The following SHISA9 variants were observed in gnomAD, a reference collection of about 807,000 sequenced individuals.
The protein encoded by SHISA9 is shisa family member 9.
SHISA9 carries 13 observed loss-of-function variants against 38.0 expected under a neutral mutation model. That is an observed-to-expected ratio of 0.34 (90% CI 0.22 to 0.54). SHISA9 has a LOEUF of 0.54. SHISA9 is among the 20% of genes least tolerant of loss of function. The pLI is 0.91. For synonymous variants in SHISA9, 275 were observed against 242.0 expected, an observed-to-expected ratio of 1.14 and a Z score of -1.27; for missense variants, 538 against 575.8, an observed-to-expected ratio of 0.93 and a Z score of 0.67.
intron 1 of SHISA9, chr16:12,911,409 G>A (rs1208133098): frequency 1.0e-6 from 1 of 982,522 alleles, no homozygotes; most frequent in Non-Finnish European, 1.2e-6. Flanking sequence ...TTTTTTGTAT[G>A]CACCCCAATA....
chr16:12,994,503 CATGAGA>C, intron 2 of SHISA9, among the ~76,000 whole-genome samples: 1 of 152,168 alleles, frequency 6.6e-6, no homozygotes, highest in South Asian at 2.1e-4. Flanking sequence ...TGTTACTTGC[CATGAGA>C]ATGACAAGCC....
the SHISA9 span, among the ~76,000 whole-genome samples, chr16:13,426,245 C>T: frequency 6.6e-6 from 1 of 152,178 alleles, no homozygotes; most frequent in Non-Finnish European, 1.5e-5. Context: ...TGTGTTATCT[C>T]ATTTAATTCT....
At chr16:13,290,138 A>C in the SHISA9 span, among the ~76,000 whole-genome samples, 1 of 152,142 alleles carries the variant, frequency 6.6e-6, no homozygotes, top group Admixed American at 6.5e-5. Context: ...ATGGAATGTA[A>C]AAATTTAGAG....
the SHISA9 span, among the ~76,000 whole-genome samples, chr16:13,449,967 A>C: frequency 6.6e-6 from 1 of 152,184 alleles, no homozygotes; most frequent in Middle Eastern, 3.4e-3. Context: ...ATACAAAAAA[A>C]ATAGCAGTGT....
intron 2 of SHISA9, among the ~76,000 whole-genome samples, chr16:13,199,774 A>T (rs1033614172): frequency 3.9e-5 from 6 of 152,154 alleles, no homozygotes; most frequent in African/African-American, 1.4e-4. Context: ...TCATCATTAT[A>T]AGAAGGAGGT....
At chr16:12,975,263 G>A (rs1012642371) in intron 2 of SHISA9, among the ~76,000 whole-genome samples, 1 of 152,050 alleles carries the variant, frequency 6.6e-6, no homozygotes, top group African/African-American at 2.4e-5. Flanking sequence ...TATTGGCTGG[G>A]CACAGTGGCT....
At chr16:13,225,840 T>C (rs2051274031) in intron 4 of SHISA9, among the ~76,000 whole-genome samples, 2 of 152,242 alleles carry the variant, frequency 1.3e-5, no homozygotes, top group African/African-American at 2.4e-5. Context: ...GAGGAAGGTA[T>C]AGTTTAATTT....
At chr16:12,988,620 G>T (rs1239806509) in intron 2 of SHISA9, among the ~76,000 whole-genome samples, 2 of 152,100 alleles carry the variant, frequency 1.3e-5, no homozygotes, top group Non-Finnish European at 2.9e-5. Flanking sequence ...CGCCTCCCCA[G>T]TTCAACCGAT....
the SHISA9 span, among the ~76,000 whole-genome samples, chr16:13,444,694 G>A: frequency 1.3e-5 from 2 of 151,942 alleles, no homozygotes; most frequent in Non-Finnish European, 2.9e-5. Context: ...TCTCCACCTG[G>A]TTAACCCTTG....
At chr16:13,191,837 C>G (rs536401294) in intron 2 of SHISA9, among the ~76,000 whole-genome samples, 1 of 152,222 alleles carries the variant, frequency 6.6e-6, no homozygotes, top group South Asian at 2.1e-4. Context: ...AAAGCATGGT[C>G]CCTCTTGAGT....
At chr16:13,487,948 A>G in the SHISA9 span, among the ~76,000 whole-genome samples, 1 of 152,218 alleles carries the variant, frequency 6.6e-6, no homozygotes, top group Non-Finnish European at 1.5e-5. Flanking sequence ...ATCAGAAAGG[A>G]GAATCTCTTT....
rs558222757 is a variant in SHISA9, at chr16:13,179,176, G to A, written c.692-24218G>A. Among the ~76,000 whole-genome samples the A allele has an allele frequency of 2.3e-4, 35 of 152,250 alleles. 2 individuals are homozygous for A. The highest frequency in any genetic ancestry group is 6.8e-3 in the Middle Eastern group (2 of 294). ...ACTAAAAATAAAAATAAAATTAGCT[G>A]GGTGTGGTGGCAGGTGCCTGTAATC... On this transcript the variant is annotated intron_variant, in intron 2 of 4. Coordinates refer to ENST00000558583, the MANE Select transcript of SHISA9 (RefSeq NM_001145204.3).
At position 13,152,083 on chromosome 16, in the gene SHISA9, C is replaced by T. The variant is rs182910953; in HGVS notation, c.692-51311C>T. Among the ~76,000 whole-genome samples, 44 of 152,260 alleles carry T rather than the reference C, an allele frequency of 2.9e-4. No individual in the cohort carries two copies. The East Asian group carries it at 8.1e-3, about 28-fold the overall frequency. On this transcript the variant is annotated intron_variant, in intron 2 of 4. Coordinates refer to ENST00000558583, the MANE Select transcript of SHISA9 (RefSeq NM_001145204.3). Reference sequence around the variant, plus strand: ...GGAAAACAAAGCAGAAACCTTATTTCGTGCATATTATCATACTGCTTTTTT... The same window carrying T: ...GGAAAACAAAGCAGAAACCTTATTTTGTGCATATTATCATACTGCTTTTTT...
the SHISA9 span, among the ~76,000 whole-genome samples, chr16:13,380,034 G>A: frequency 8.5e-5 from 13 of 152,062 alleles, no homozygotes; most frequent in African/African-American, 3.1e-4. Flanking sequence ...ATAAGAGTTG[G>A]AAGATAAAAT....
the SHISA9 span, among the ~76,000 whole-genome samples, chr16:13,307,739 T>G: frequency 6.6e-6 from 1 of 152,244 alleles, no homozygotes; most frequent in East Asian, 1.9e-4. Flanking sequence ...TGTTTAGATG[T>G]GTTTAATAGA....
intron 2 of SHISA9, among the ~76,000 whole-genome samples, chr16:12,995,491 G>A (rs908290962): frequency 1.3e-5 from 2 of 152,100 alleles, no homozygotes; most frequent in Admixed American, 6.5e-5. Context: ...TTCAATGGTG[G>A]GGTTCTATAG....
chr16:13,084,045 G>C (rs2073683772), intron 2 of SHISA9, among the ~76,000 whole-genome samples: 2 of 151,896 alleles, frequency 1.3e-5, no homozygotes, highest in Admixed American at 6.6e-5. Flanking sequence ...AAGAAATGAG[G>C]AGGCAAATTT....
intron 2 of SHISA9, among the ~76,000 whole-genome samples, chr16:13,038,527 C>T (rs769173211): frequency 6.6e-6 from 1 of 152,204 alleles, no homozygotes; most frequent in Non-Finnish European, 1.5e-5. Context: ...TCTGCCTCCT[C>T]AGGACTTTTG....
At chr16:13,430,308 A>C in the SHISA9 span, among the ~76,000 whole-genome samples, 3 of 152,294 alleles carry the variant, frequency 2.0e-5, no homozygotes, top group South Asian at 6.2e-4. Context: ...GCAGGAGACA[A>C]AACTTTGGAC....
Sources: allele counts gnomAD v4.1 joint callset (sites outside exome capture counted in the v4.1 genomes callset), GRCh38; gene constraint gnomAD v4.1.1; transcripts MANE v1.5; gene names NCBI Gene and HGNC (gene_info 2026-07-23, HGNC 2026-07-21).